Variants in ANKRD36C observed in about 807,000 individuals in gnomAD.
ANKRD36C encodes ankyrin repeat domain 36C.
In ANKRD36C, 61 loss-of-function variants were observed where a neutral mutation model predicts 276.4. The ratio of observed to expected loss-of-function variants is 0.22; its 90% CI spans 0.18 to 0.27. ANKRD36C has a LOEUF of 0.27. Ranked by LOEUF, ANKRD36C falls within the 10% of genes least tolerant of loss-of-function variation. ANKRD36C has a pLI of 1.00. For missense variants in ANKRD36C, 1,447 were observed against 2,032.3 expected (o/e 0.71, Z 5.54); for synonymous variants, 483 against 680.1 (o/e 0.71, Z 4.51).
rs1223512705 is a variant in ANKRD36C, at chr2:95,922,391, T to C, written c.2144-581A>G. ...TAAATAATATTCATTATTTCTCATA[T>C]CCATGTGGTGCAACAATTTGCCTAA... On this transcript the variant is annotated intron_variant, in intron 32 of 66. Transcript: ENST00000456556. Among the ~76,000 whole-genome samples, 102 of 151,624 alleles carry C rather than the reference T, an allele frequency of 6.7e-4. 3 individuals carry two copies. The highest frequency in any genetic ancestry group is 6.7e-3 in the Admixed American group (102 of 15,182).
chr2:95,927,547 G>A (rs1677441771), intron 26 of ANKRD36C, 138 bp from the exon 27 acceptor site: 1 of 1,399,762 alleles, frequency 7.1e-7, no homozygotes, highest in Non-Finnish European at 9.5e-7. Context: ...TTTTTGTCTG[G>A]AGACTGGAAC....
chr2:95,908,950 C>A (rs1181993718), intron 42 of ANKRD36C, among the ~76,000 whole-genome samples: 1 of 151,092 alleles, frequency 6.6e-6, no homozygotes, highest in African/African-American at 2.4e-5. Flanking sequence ...AAAATAAAAC[C>A]ATGTCAATAT....
chr2:95,878,456 CAA>C (rs1376153269), intron 58 of ANKRD36C, among the ~76,000 whole-genome samples: 2 of 152,072 alleles, frequency 1.3e-5, no homozygotes, highest in African/African-American at 4.8e-5. Flanking sequence ...TAAAATCAGT[CAA>C]AGTTTCTTAG....
intron 17 of ANKRD36C, among the ~76,000 whole-genome samples, chr2:95,946,275 G>A (rs557472183): frequency 6.7e-6 from 1 of 148,488 alleles, no homozygotes; most frequent in African/African-American, 2.5e-5. Flanking sequence ...CTCAAAAGAA[G>A]ACATTTATGC....
chr2:95,850,961 T>C (rs536963043), downstream of ANKRD36C, among the ~76,000 whole-genome samples: 1 of 152,332 alleles, frequency 6.6e-6, no homozygotes, highest in East Asian at 1.9e-4. Flanking sequence ...TTTAAAGCTA[T>C]GGAACATGAT....
At chr2:95,873,981 G>A (rs1675877822) in intron 59 of ANKRD36C, among the ~76,000 whole-genome samples, 1 of 151,998 alleles carries the variant, frequency 6.6e-6, no homozygotes, top group Non-Finnish European at 1.5e-5. Context: ...GGGATGTGAA[G>A]GACCTCTTCA....
At chr2:95,983,692 C>A (rs1678969767) in intron 3 of ANKRD36C, among the ~76,000 whole-genome samples, 1 of 151,768 alleles carries the variant, frequency 6.6e-6, no homozygotes. Context: ...CTCACTGCAA[C>A]CTCCGCCTCC....
At chr2:95,884,134 T>C in intron 54 of ANKRD36C, 39 bp downstream of exon 74, 1 of 1,575,434 alleles carries the variant, frequency 6.3e-7, no homozygotes, top group Non-Finnish European at 8.7e-7. Flanking sequence ...CTTTTCTATC[T>C]GGACTGAACA....
chr2:95,925,621 A>C, intron 28 of ANKRD36C, 74 bp from the exon 29 acceptor site: 1 of 1,424,828 alleles, frequency 7.0e-7, no homozygotes, highest in Non-Finnish European at 9.5e-7. Context: ...ATGCAGTGTT[A>C]GCATCAAGCT....
chr2:95,953,994 C>T, exon 14 of ANKRD36C: 1 of 1,535,236 alleles, frequency 6.5e-7, no homozygotes, highest in Non-Finnish European at 8.7e-7. Context: ...AGCATCCGGT[C>T]TGTAGAGACT....
At chr2:95,869,332 T>C (rs990868595) in intron 59 of ANKRD36C, among the ~76,000 whole-genome samples, 13 of 152,202 alleles carry the variant, frequency 8.5e-5, no homozygotes, top group Admixed American at 3.9e-4. Context: ...TCATTATGTG[T>C]TAAATTTCCC....
At chr2:95,862,581 C>A (rs1675609710) in intron 60 of ANKRD36C, among the ~76,000 whole-genome samples, 1 of 150,958 alleles carries the variant, frequency 6.6e-6, no homozygotes, top group African/African-American at 2.4e-5. Flanking sequence ...TTAGAAGAGT[C>A]TTAAATCAAT....
At chr2:95,902,591 C>T (rs1047173311) in intron 42 of ANKRD36C, among the ~76,000 whole-genome samples, 19 of 150,232 alleles carry the variant, frequency 1.3e-4, no homozygotes, top group Non-Finnish European at 2.4e-4. Flanking sequence ...TTACTGAAAA[C>T]AAGCTGGAGA....
intron 4 of ANKRD36C, 77 bp from the exon 5 acceptor site, chr2:95,980,862 T>G (rs1678901873): frequency 6.6e-7 from 1 of 1,506,124 alleles, no homozygotes; most frequent in African/African-American, 1.4e-5. Flanking sequence ...CAACTTAATA[T>G]GTTGCCTGTC....
At chr2:95,872,491 A>G (rs1026986331) in intron 59 of ANKRD36C, among the ~76,000 whole-genome samples, 1 of 152,160 alleles carries the variant, frequency 6.6e-6, no homozygotes, top group African/African-American at 2.4e-5. Context: ...ACAACATACC[A>G]GAATCTCTGG....
At position 95,987,236 on chromosome 2, in the gene ANKRD36C, T is replaced by A. The variant is rs1679048108; in HGVS notation, c.198-30A>T. The A allele has an allele frequency of 4.0e-6, 6 of 1,509,908 alleles. No homozygotes were observed. The South Asian group carries it at 5.3e-5, about 13-fold the overall frequency. The allele number at this position is 1,509,908 out of a possible 1,614,324, so 93.5% of individuals were successfully genotyped here. On this transcript the variant is annotated intron_variant, in intron 1 of 66. Coordinates refer to ENST00000456556, the Ensembl canonical transcript of ANKRD36C. ...GAGAGTGACAGGACTTTTTAAAACA[T>A]GTAACTGTAAGCATTAATTAGCATG...
intron 1 of ANKRD36C, among the ~76,000 whole-genome samples, chr2:95,987,749 G>A (rs1224118470): frequency 6.6e-6 from 1 of 151,696 alleles, no homozygotes; most frequent in Non-Finnish European, 1.5e-5. Flanking sequence ...AGCCTCCCGA[G>A]TAGCTGGGAC....
At chr2:95,938,768 C>G in intron 22 of ANKRD36C, 61 bp downstream of exon 22, 2 of 1,527,808 alleles carry the variant, frequency 1.3e-6, no homozygotes, top group East Asian at 2.4e-5. Context: ...CAAAAAACTA[C>G]GAGCATTTTC....
chr2:95,915,072 A>T (rs1337378605), intron 38 of ANKRD36C, among the ~76,000 whole-genome samples: 4 of 151,632 alleles, frequency 2.6e-5, no homozygotes, highest in African/African-American at 9.7e-5. Context: ...TAAGTTTTAC[A>T]TTCAGAAATC....
Sources: gnomAD v4.1 joint callset for allele counts (sites outside exome capture counted in the v4.1 genomes callset) on GRCh38, gnomAD v4.1.1 for gene constraint, MANE v1.5 for transcripts, NCBI Gene and HGNC (gene_info 2026-07-23, HGNC 2026-07-21) for gene names.